The following PAPPA variants were observed in gnomAD, a reference collection of about 807,000 sequenced individuals.
PAPPA encodes the protein pappalysin 1.
PAPPA carries 60 observed loss-of-function variants against 164.0 expected under a neutral mutation model. The ratio of observed to expected loss-of-function variants is 0.37; its 90% CI spans 0.30 to 0.45. The LOEUF is 0.45. Among genes scored for constraint, PAPPA ranks in the 20% least tolerant of loss-of-function variants. The pLI is 1.00. For synonymous variants in PAPPA, 875 were observed against 814.1 expected, an observed-to-expected ratio of 1.07 and a Z score of -1.27; for missense variants, 1,782 against 2,087.3, an observed-to-expected ratio of 0.85 and a Z score of 2.85.
chr9:116,209,451 G>A (rs1333804641), intron 3 of PAPPA, among the ~76,000 whole-genome samples: 11 of 152,202 alleles, frequency 7.2e-5, no homozygotes, highest in South Asian at 2.1e-4. Context: ...CAGAGTCTGA[G>A]AAGGATTGAG....
chr9:116,214,995 A>G (rs201225876), intron 4 of PAPPA, among the ~76,000 whole-genome samples: 132 of 152,368 alleles, frequency 8.7e-4, no homozygotes, highest in Admixed American at 1.6e-3. Flanking sequence ...TATGCCAGGT[A>G]TAGAAAACAA....
intron 1 of PAPPA, among the ~76,000 whole-genome samples, chr9:116,186,263 T>TATATAGATATAGATATAG (rs10612680): frequency 2.0e-5 from 3 of 148,880 alleles, no homozygotes; most frequent in African/African-American, 7.5e-5. Flanking sequence ...TCTATATAGA[T>TATATAGATATAGATATAG]ATATAGATAT....
chr9:116,172,805 C>A (rs1157698695), intron 1 of PAPPA, among the ~76,000 whole-genome samples: 5 of 152,134 alleles, frequency 3.3e-5, no homozygotes, highest in African/African-American at 1.2e-4. Flanking sequence ...AAAATGGTCA[C>A]CACTTCCAAA....
intron 12 of PAPPA, 200 bp downstream of exon 12, chr9:116,332,668 G>C (rs1449940713): frequency 2.0e-6 from 1 of 507,818 alleles, no homozygotes; most frequent in East Asian, 3.1e-5. Flanking sequence ...GCAGATACAG[G>C]GATAAGGGGC....
chr9:116,243,034 A>G (rs1844754072), intron 7 of PAPPA, among the ~76,000 whole-genome samples: 1 of 152,000 alleles, frequency 6.6e-6, no homozygotes, highest in Non-Finnish European at 1.5e-5. Flanking sequence ...TCACACCTCT[A>G]TTTCTCATTC....
At chr9:116,375,911 A>C (rs1316821333) in intron 19 of PAPPA, among the ~76,000 whole-genome samples, 1 of 152,210 alleles carries the variant, frequency 6.6e-6, no homozygotes, top group Non-Finnish European at 1.5e-5. Flanking sequence ...GTCACTACAC[A>C]TCTAAGCATG....
Position 116,178,036 on chromosome 9 carries a change from T to C in PAPPA, c.416-9118T>C, listed in dbSNP as rs530081431. On this transcript the variant is annotated intron_variant, in intron 1 of 21. Coordinates refer to ENST00000328252, the MANE Select transcript of PAPPA (RefSeq NM_002581.5). ...CAGAAAGGAACCTTTATGTGTGTGT[T>C]TAACAGCACAAAAAGGGGGGAAATA... 1.4e-4 allele frequency among the ~76,000 whole-genome samples: 21 copies of C among 152,316 alleles called. No individual in the cohort carries two copies. The South Asian group carries it at 3.9e-3, about 29-fold the overall frequency.
At chr9:116,307,422 A>G (rs1845660516) in intron 10 of PAPPA, among the ~76,000 whole-genome samples, 1 of 152,080 alleles carries the variant, frequency 6.6e-6, no homozygotes. Flanking sequence ...CAACATGGTG[A>G]AACCCCGTCT....
At chr9:116,236,133 A>G (rs1191518995) in intron 7 of PAPPA, among the ~76,000 whole-genome samples, 2 of 152,176 alleles carry the variant, frequency 1.3e-5, no homozygotes, top group Non-Finnish European at 2.9e-5. Flanking sequence ...ATTGTGCTGG[A>G]AAGTGAATAT....
intron 7 of PAPPA, among the ~76,000 whole-genome samples, chr9:116,236,997 A>T (rs1381736891): frequency 1.3e-5 from 2 of 152,230 alleles, no homozygotes; most frequent in South Asian, 2.1e-4. Context: ...CTTGGGTGTC[A>T]ATGGTTTCTA....
At chr9:116,353,837 T>C (rs767436163) in intron 17 of PAPPA, 44 bp downstream of exon 17, 2 of 1,505,686 alleles carry the variant, frequency 1.3e-6, no homozygotes, top group Non-Finnish European at 1.8e-6. Flanking sequence ...GTCCCTTTCC[T>C]TTCTGCTTAC....
chr9:116,322,633 C>T (rs1273773722), intron 10 of PAPPA, among the ~76,000 whole-genome samples: 1 of 152,134 alleles, frequency 6.6e-6, no homozygotes, highest in Admixed American at 6.5e-5. Flanking sequence ...CCTCAGGACC[C>T]TTAAGAATCT....
In PAPPA at chr9:116,283,319, G is replaced by A. The variant is rs958315745; in HGVS notation, c.2953+11903G>A. Reference sequence around the variant, plus strand: ...GAGCAGTGGAAAGCCTCTGGTGCAGGGGTTGGTGAGCCTGGGAAAGATTTC... The same window carrying A: ...GAGCAGTGGAAAGCCTCTGGTGCAGAGGTTGGTGAGCCTGGGAAAGATTTC... On this transcript the variant is annotated intron_variant, in intron 9 of 21. Transcript: ENST00000328252. Among the ~76,000 whole-genome samples, 4 of 152,174 alleles carry A rather than the reference G, an allele frequency of 2.6e-5. No individual in the cohort carries two copies. The East Asian group carries it at 7.7e-4, about 29-fold the overall frequency.
chr9:116,396,682 A>G lies in PAPPA; in HGVS notation c.*66A>G. ...CCCACATCCCTTTGGTATTGATTTC[A>G]CAGTCAGCTGCTCAACGGAATGGCC... On this transcript the variant is annotated 3_prime_UTR_variant, in exon 22 of 22. Coordinates refer to ENST00000328252, the MANE Select transcript of PAPPA (RefSeq NM_002581.5). 1.3e-6 allele frequency: 1 copy of G among 749,002 alleles called. No homozygotes were observed. Among genetic ancestry groups the G allele is most frequent in the Non-Finnish European group, 2.5e-6 (1 of 400,862 alleles). 46.4% of individuals were successfully genotyped at this position (749,002 alleles called of 1,614,324 possible).
At chr9:116,191,227 T>G (rs112478648) in intron 2 of PAPPA, among the ~76,000 whole-genome samples, 28 of 152,304 alleles carry the variant, frequency 1.8e-4, no homozygotes, top group African/African-American at 6.7e-4. Context: ...GAGTAATAGA[T>G]GATATCATCT....
intron 10 of PAPPA, among the ~76,000 whole-genome samples, chr9:116,319,018 T>A (rs1392699574): frequency 3.3e-5 from 5 of 152,178 alleles, no homozygotes; most frequent in Non-Finnish European, 5.9e-5. Flanking sequence ...TCTCCCCGCC[T>A]CCCACCCCAA....
At chr9:116,306,413 T>C (rs1845647173) in intron 10 of PAPPA, among the ~76,000 whole-genome samples, 1 of 152,240 alleles carries the variant, frequency 6.6e-6, no homozygotes, top group Non-Finnish European at 1.5e-5. Flanking sequence ...TTCTCGTTCA[T>C]TCTTTTCAAA....
intron 1 of PAPPA, among the ~76,000 whole-genome samples, chr9:116,186,695 G>C (rs930121340): frequency 2.6e-5 from 4 of 152,156 alleles, no homozygotes; most frequent in Admixed American, 2.6e-4. Context: ...ATCTCCCTCT[G>C]TTTCTCCTTT....
chr9:116,191,377 C>T (rs1306386738), intron 2 of PAPPA, among the ~76,000 whole-genome samples: 1 of 152,124 alleles, frequency 6.6e-6, no homozygotes, highest in East Asian at 1.9e-4. Context: ...GAGACGGTGG[C>T]CTTGTGGTCT....
Sources: allele counts gnomAD v4.1 joint callset (sites outside exome capture counted in the v4.1 genomes callset), GRCh38; gene constraint gnomAD v4.1.1; transcripts MANE v1.5; gene names NCBI Gene and HGNC (gene_info 2026-07-23, HGNC 2026-07-21).